The following ANKH variants were observed in gnomAD, a reference collection of about 807,000 sequenced individuals.
ANKH encodes mineralization regulator ANKH.
In ANKH, 15 loss-of-function variants were observed where a neutral mutation model predicts 49.0. The ratio of observed to expected loss-of-function variants is 0.31; its 90% CI spans 0.20 to 0.47. The LOEUF is 0.47. Ranked by LOEUF, ANKH falls within the 20% of genes least tolerant of loss-of-function variation. The pLI, the probability that ANKH is intolerant of heterozygous loss-of-function variation, is 1.00. For synonymous variants in ANKH, 273 were observed against 260.0 expected (o/e 1.05, Z -0.48); for missense variants, 429 against 652.0 (o/e 0.66, Z 3.72).
intron 1 of ANKH, among the ~76,000 whole-genome samples, chr5:14,814,674 T>TTA (rs1042807660): frequency 6.6e-6 from 1 of 152,228 alleles, no homozygotes; most frequent in Non-Finnish European, 1.5e-5. Context: ...GCTTTTTATT[T>TTA]TATTTCTGCA....
intron 1 of ANKH, among the ~76,000 whole-genome samples, chr5:14,841,389 C>T (rs1246196824): frequency 1.3e-5 from 2 of 152,052 alleles, no homozygotes; most frequent in East Asian, 1.9e-4. Flanking sequence ...CTCCGCCTCC[C>T]GGGTTCAAGT....
chr5:14,767,947 T>C (rs962945490), intron 2 of ANKH, among the ~76,000 whole-genome samples: 1 of 152,242 alleles, frequency 6.6e-6, no homozygotes. Context: ...CTCCATGCCC[T>C]GAAGCTCTGA....
chr5:14,712,821 C>T, intron 11 of ANKH, 53 bp downstream of exon 11: 5 of 1,521,600 alleles, frequency 3.3e-6, no homozygotes, highest in South Asian at 2.4e-5. Context: ...CTCAGGTTCT[C>T]CTGCACCCAG....
At chr5:14,765,671 G>A (rs948981622) in intron 2 of ANKH, among the ~76,000 whole-genome samples, 2 of 152,122 alleles carry the variant, frequency 1.3e-5, no homozygotes, top group African/African-American at 4.8e-5. Context: ...CTAATGAAAA[G>A]GACCTAGTAG....
chr5:14,844,410 A>C (rs1275741774), intron 1 of ANKH, among the ~76,000 whole-genome samples: 3 of 152,236 alleles, frequency 2.0e-5, no homozygotes, highest in Non-Finnish European at 4.4e-5. Context: ...GGCTCAAAAG[A>C]AGCAAACTGT....
In ANKH at chr5:14,707,631, T is replaced by TCC. The variant is rs1337855035; in HGVS notation, c.*3564_*3565dup. On this transcript the variant is annotated 3_prime_UTR_variant, in exon 12 of 12. Coordinates refer to ENST00000284268, the MANE Select transcript of ANKH (RefSeq NM_054027.6). ...TCACTACCCTGGGAGCTCCCAGGCC[T>TCC]CCCCATCCTGGGCCCCCCACCCCCT... The TCC allele has an allele frequency of 6.6e-6, 1 of 152,096 alleles. No individual in the cohort carries two copies. Among genetic ancestry groups the TCC allele is most frequent in the African/African-American group, 2.4e-5 (1 of 41,380 alleles). The allele number at this position is 152,096 out of a possible 1,614,324, so 9.4% of individuals were successfully genotyped here. A position where few individuals can be genotyped will look rare whatever the true frequency, so the allele number is the denominator to read the frequency against.
intron 1 of ANKH, among the ~76,000 whole-genome samples, chr5:14,780,753 C>T (rs1478758045): frequency 6.6e-6 from 1 of 152,098 alleles, no homozygotes; most frequent in South Asian, 2.1e-4. Flanking sequence ...ACAATGATAC[C>T]TAAGAGCCAG....
At chr5:14,856,572 C>T (rs1471774926) in intron 1 of ANKH, among the ~76,000 whole-genome samples, 1 of 152,014 alleles carries the variant, frequency 6.6e-6, no homozygotes, top group African/African-American at 2.4e-5. Flanking sequence ...GAGCAGAGGA[C>T]AGGCCCCAGA....
At chr5:14,797,986 T>C (rs1244292859) in intron 1 of ANKH, 5 of 1,561,702 alleles carry the variant, frequency 3.2e-6, no homozygotes, top group African/African-American at 1.4e-5. Context: ...GTTGTGATGA[T>C]ACAAGGGTTC....
chr5:14,870,472 G>A (rs1006437864), intron 1 of ANKH: 1 of 152,290 alleles, frequency 6.6e-6, no homozygotes, highest in Admixed American at 6.5e-5. Context: ...ATACAGGAGT[G>A]CCGCTCGTCA....
At chr5:14,869,276 A>G (rs1341007623) in intron 1 of ANKH, 1 of 152,220 alleles carries the variant, frequency 6.6e-6, no homozygotes, top group Non-Finnish European at 1.5e-5. Context: ...AGAGTAAGTC[A>G]GTCTCACTCT....
At chr5:14,726,398 T>C (rs1406486706) in intron 8 of ANKH, among the ~76,000 whole-genome samples, 1 of 151,806 alleles carries the variant, frequency 6.6e-6, no homozygotes, top group Admixed American at 6.6e-5. Context: ...CCATGGCAGG[T>C]TGTGGGTGGA....
intron 2 of ANKH, among the ~76,000 whole-genome samples, chr5:14,763,184 C>T (rs180875331): frequency 7.0e-4 from 107 of 152,324 alleles, no homozygotes; most frequent in Non-Finnish European, 1.2e-3. Flanking sequence ...ATCCAATAGG[C>T]AAATCTGAGA....
intron 1 of ANKH, among the ~76,000 whole-genome samples, chr5:14,859,431 T>C (rs927335797): frequency 6.6e-6 from 1 of 152,212 alleles, no homozygotes; most frequent in African/African-American, 2.4e-5. Flanking sequence ...TGCAGGCTTT[T>C]AAAACCATGT....
chr5:14,826,568 T>C (rs558089428), intron 1 of ANKH, among the ~76,000 whole-genome samples: 8 of 152,278 alleles, frequency 5.3e-5, no homozygotes, highest in African/African-American at 1.7e-4. Flanking sequence ...TTCCATCTTA[T>C]TAAATAAGAT....
chr5:14,830,911 C>A (rs1183163853), intron 1 of ANKH, among the ~76,000 whole-genome samples: 1 of 152,212 alleles, frequency 6.6e-6, no homozygotes, highest in East Asian at 1.9e-4. Context: ...GCCCAGGAAA[C>A]CCTTGGTCCC....
chr5:14,724,613 G>A (rs1350076261), intron 8 of ANKH: 1 of 984,702 alleles, frequency 1.0e-6, no homozygotes, highest in Non-Finnish European at 1.2e-6. Context: ...CACGGAAGGG[G>A]GATTTGAACC....
chr5:14,744,334 A>G (rs1738458249), intron 7 of ANKH, among the ~76,000 whole-genome samples: 1 of 152,138 alleles, frequency 6.6e-6, no homozygotes, highest in South Asian at 2.1e-4. Context: ...GTCCTAACTA[A>G]TGGTCCACTG....
At chr5:14,722,700 G>A in intron 8 of ANKH, among the ~76,000 whole-genome samples, 1 of 152,212 alleles carries the variant, frequency 6.6e-6, no homozygotes, top group East Asian at 1.9e-4. Context: ...AAAAATGGCA[G>A]AGAAGGGACA....
Sources: allele counts gnomAD v4.1 joint callset (sites outside exome capture counted in the v4.1 genomes callset), GRCh38; gene constraint gnomAD v4.1.1; transcripts MANE v1.5; gene names NCBI Gene and HGNC (gene_info 2026-07-23, HGNC 2026-07-21).